Variants in SLC15A2 observed in about 807,000 individuals in gnomAD.
The protein encoded by SLC15A2 is solute carrier family 15 member 2, also known as kidney H(+)/peptide cotransporter.
A neutral mutation model predicts 95.5 loss-of-function variants in SLC15A2; 77 were observed. The observed-to-expected ratio is 0.81, with a 90% CI of 0.67 to 0.97. SLC15A2 has a LOEUF of 0.97. Among genes scored for constraint, SLC15A2 ranks in the 50% least tolerant of loss-of-function variants. The pLI, the probability that SLC15A2 is intolerant of heterozygous loss-of-function variation, is 0.00. For missense variants in SLC15A2, 893 were observed against 874.4 expected, an observed-to-expected ratio of 1.02 and a Z score of -0.27; for synonymous variants, 306 against 306.9, an observed-to-expected ratio of 1.00 and a Z score of 0.03.
At chr3:121,924,418 T>C in intron 12 of SLC15A2, 35 bp downstream of exon 12, 1 of 1,591,748 alleles carries the variant, frequency 6.3e-7, no homozygotes, top group Non-Finnish European at 8.6e-7. Flanking sequence ...GGGACTTATT[T>C]GTTTCCTTAT....
chr3:121,935,636 C>A (rs1231546936), intron 19 of SLC15A2, among the ~76,000 whole-genome samples: 3 of 151,632 alleles, frequency 2.0e-5, no homozygotes, highest in Non-Finnish European at 4.4e-5. Flanking sequence ...TTTATTGCGT[C>A]TATTTGATTC....
intron 17 of SLC15A2, 99 bp downstream of exon 17, chr3:121,929,447 C>T: frequency 7.6e-7 from 1 of 1,310,236 alleles, no homozygotes; most frequent in Non-Finnish European, 1.1e-6. Flanking sequence ...AACAGGAATT[C>T]CCTCTCGTAG....
intron 7 of SLC15A2, among the ~76,000 whole-genome samples, chr3:121,915,942 C>G (rs747332886): frequency 4.6e-5 from 7 of 152,316 alleles, no homozygotes; most frequent in Non-Finnish European, 1.0e-4. Flanking sequence ...AGTCCAAACT[C>G]TGGGCCAGTC....
chr3:121,912,930 T>C (rs1201841288), intron 4 of SLC15A2, 91 bp from the exon 5 acceptor site: 1 of 829,146 alleles, frequency 1.2e-6, no homozygotes, highest in African/African-American at 1.7e-5. Flanking sequence ...TTTGCCCTTG[T>C]ACACATTTTT....
rs1482184567 is a variant in SLC15A2, at chr3:121,913,114, A to G, written c.522A>G (p.Glu174=). 2 of 1,611,498 alleles carry G rather than the reference A, an allele frequency of 1.2e-6. No homozygotes were observed. Among genetic ancestry groups the G allele is most frequent in the Non-Finnish European group, 1.7e-6 (2 of 1,177,724 alleles). Reference sequence around the variant, plus strand: ...CTTTTGGTGGAGACCAGTTTGAAGAAAAACATGTAAGAATCCTGTTATTTT... The same window carrying G: ...CTTTTGGTGGAGACCAGTTTGAAGAGAAACATGTAAGAATCCTGTTATTTT... ...VAAFGGDQFE[E]KHAEERTRYF... is the part of the protein sequence containing the mutation. Residue 174 remains glutamate, a synonymous_variant, in exon 5 of 22, where the codon GAA becomes GAG. Coordinates refer to ENST00000489711, the MANE Select transcript of SLC15A2 (RefSeq NM_021082.4).
At chr3:121,923,849 C>T (rs1247159089) in intron 11 of SLC15A2, among the ~76,000 whole-genome samples, 2 of 152,040 alleles carry the variant, frequency 1.3e-5, no homozygotes, top group Admixed American at 6.5e-5. Flanking sequence ...TAGAATGATA[C>T]CAGGGTCTTA....
At chr3:121,934,326 G>T (rs879526323) in intron 19 of SLC15A2, among the ~76,000 whole-genome samples, 4 of 152,070 alleles carry the variant, frequency 2.6e-5, no homozygotes, top group Non-Finnish European at 2.9e-5. Flanking sequence ...TGATGGGGAT[G>T]GCATTGAATC....
At chr3:121,909,779 C>A (rs1454418474) in intron 3 of SLC15A2, among the ~76,000 whole-genome samples, 1 of 151,440 alleles carries the variant, frequency 6.6e-6, no homozygotes, top group Non-Finnish European at 1.5e-5. Context: ...TGGCCCAGTA[C>A]AAATTTATAA....
intron 19 of SLC15A2, 38 bp from the exon 20 acceptor site, chr3:121,939,311 C>T (rs759306929): frequency 7.0e-7 from 1 of 1,431,200 alleles, no homozygotes; most frequent in Non-Finnish European, 9.2e-7. Flanking sequence ...TTACTTGAGA[C>T]TACTGACAAG....
In SLC15A2 at chr3:121,912,893, C is replaced by T. The variant is rs1709799491; in HGVS notation, c.429-128C>T. On this transcript the variant is annotated intron_variant, in intron 4 of 21. Transcript: ENST00000489711. The stretch of plus-strand genomic sequence containing the variant: ...AGGAATAAAGGCAAATGGAAAGTAC[C>T]CATGGGGTAGAAATGTGAAGGGGAT... 4.2e-5 allele frequency: 27 copies of T among 645,132 alleles called. No homozygotes were observed. The South Asian group carries it at 5.8e-4, about 14-fold the overall frequency. 40.0% of individuals were successfully genotyped at this position (645,132 alleles called of 1,614,324 possible).
At chr3:121,917,159 C>T (rs751499643) in intron 7 of SLC15A2, among the ~76,000 whole-genome samples, 1 of 152,128 alleles carries the variant, frequency 6.6e-6, no homozygotes, top group Non-Finnish European at 1.5e-5. Flanking sequence ...TTTTAACCAA[C>T]ATTTAATGAA....
chr3:121,941,127 T>A lies in SLC15A2; in HGVS notation c.*120T>A. On this transcript the variant is annotated 3_prime_UTR_variant, in exon 22 of 22. Transcript: ENST00000489711. Reference sequence around the variant, plus strand: ...TCAGAGCTGATCTCCTCCACCTTTCTCCAATGACAGAAGTTCCAGGACTGG... The same window carrying A: ...TCAGAGCTGATCTCCTCCACCTTTCACCAATGACAGAAGTTCCAGGACTGG... 1 of 867,764 alleles carries A rather than the reference T, an allele frequency of 1.2e-6. No homozygotes were observed. The highest frequency in any genetic ancestry group is 2.1e-5 in the South Asian group (1 of 48,070). 53.8% of individuals were successfully genotyped at this position (867,764 alleles called of 1,614,324 possible).
At chr3:121,933,800 C>T (rs1407268566) in intron 19 of SLC15A2, among the ~76,000 whole-genome samples, 1 of 148,772 alleles carries the variant, frequency 6.7e-6, no homozygotes, top group Non-Finnish European at 1.5e-5. Context: ...GCTTTTGTTG[C>T]CATTGCTTTT....
intron 19 of SLC15A2, among the ~76,000 whole-genome samples, chr3:121,935,213 G>T (rs1272114338): frequency 2.0e-5 from 3 of 152,192 alleles, no homozygotes; most frequent in East Asian, 3.8e-4. Context: ...GAGGATATTG[G>T]TCTAAAATTC....
In SLC15A2 at chr3:121,897,452, C is replaced by T; in HGVS notation, c.258C>T (p.Tyr86=). 1.9e-6 allele frequency: 3 copies of T among 1,614,072 alleles called. No individual in the cohort carries two copies. The highest frequency in any genetic ancestry group is 2.5e-6 in the Non-Finnish European group (3 of 1,179,986). The change falls in exon 3 of 22, where the codon TAC becomes TAT. Residue 86 remains tyrosine (Y), a synonymous_variant. Transcript: ENST00000489711. ...HWNEDTSTSI[Y]HAFSSLCYFT... is the part of the protein sequence containing the mutation. ...ATGAAGATACCTCCACATCTATATACCATGCCTTCAGCAGCCTCTGTTATT... is the reference window on the plus strand; with the variant it reads ...ATGAAGATACCTCCACATCTATATATCATGCCTTCAGCAGCCTCTGTTATT...
chr3:121,938,622 C>G (rs1476478238), intron 19 of SLC15A2, among the ~76,000 whole-genome samples: 1 of 152,278 alleles, frequency 6.6e-6, no homozygotes, highest in Non-Finnish European at 1.5e-5. Flanking sequence ...CCTGCTTTGG[C>G]TCGCACACGG....
rs1710322972 is a variant in SLC15A2, at chr3:121,935,486, G to C, written c.1761+3751G>C. ...AGAGATTCAACTTCTTCCTGGTTTA[G>C]TCTTGGGAGGGTGTATGTGTCCAGG... On this transcript the variant is annotated intron_variant, in intron 19 of 21. Coordinates refer to ENST00000489711, the MANE Select transcript of SLC15A2 (RefSeq NM_021082.4). Among the ~76,000 whole-genome samples the C allele has an allele frequency of 2.6e-5, 4 of 152,178 alleles. No individual in the cohort carries two copies. In the South Asian group the frequency reaches 6.2e-4, roughly 24 times the overall value.
intron 19 of SLC15A2, among the ~76,000 whole-genome samples, chr3:121,934,706 CA>C (rs1446022297): frequency 1.3e-5 from 2 of 152,182 alleles, no homozygotes; most frequent in Non-Finnish European, 2.9e-5. Context: ...ATGTCGTCTG[CA>C]AATAGGGACA....
chr3:121,915,574 A>G, intron 6 of SLC15A2, 42 bp from the exon 7 acceptor site: 1 of 1,430,224 alleles, frequency 7.0e-7, no homozygotes, highest in East Asian at 2.3e-5. Context: ...CAAATATTCA[A>G]GACTCAGAGT....
Sources: allele counts gnomAD v4.1 joint callset (sites outside exome capture counted in the v4.1 genomes callset), GRCh38; gene constraint gnomAD v4.1.1; transcripts MANE v1.5; gene names NCBI Gene and HGNC (gene_info 2026-07-23, HGNC 2026-07-21).